RPS6KA5: variants seen among roughly 807,000 people sequenced by gnomAD.
RPS6KA5 encodes the protein ribosomal protein S6 kinase alpha-5.
In RPS6KA5, 27 loss-of-function variants were observed where a neutral mutation model predicts 85.5. That is an observed-to-expected ratio of 0.32 (90% CI 0.23 to 0.44). RPS6KA5 has a LOEUF of 0.44. Among genes scored for constraint, RPS6KA5 ranks in the 20% least tolerant of loss-of-function variants. The pLI is 1.00. For synonymous variants in RPS6KA5, 334 were observed against 348.2 expected (o/e 0.96, Z 0.46); for missense variants, 811 against 980.9 (o/e 0.83, Z 2.31).
intron 14 of RPS6KA5, among the ~76,000 whole-genome samples, chr14:90,884,571 C>T (rs2034066214): frequency 6.6e-6 from 1 of 152,184 alleles, no homozygotes; most frequent in Non-Finnish European, 1.5e-5. Context: ...CCAAGCCTTT[C>T]CCTGGAAGTT....
Position 91,060,526 on chromosome 14 carries a change from A to G in RPS6KA5, c.-92T>C, listed in dbSNP as rs1018420333. 8.1e-7 allele frequency: 1 copy of G among 1,232,614 alleles called. No homozygotes were observed. The highest frequency in any genetic ancestry group is 4.3e-5 in the Admixed American group (1 of 23,252). 76.4% of individuals were successfully genotyped at this position (1,232,614 alleles called of 1,614,324 possible). On this transcript the variant is annotated 5_prime_UTR_variant, in exon 1 of 17. Transcript: ENST00000614987. ...CCCTCGCAGCCGCTGCCGCGGCCCC[A>G]GGAGTCGGGGTGCGGCGGCTCCAGA...
At chr14:91,012,261 G>A (rs1281596547) in intron 1 of RPS6KA5, among the ~76,000 whole-genome samples, 2 of 152,036 alleles carry the variant, frequency 1.3e-5, no homozygotes, top group African/African-American at 4.8e-5. Flanking sequence ...AACACTTTTG[G>A]TATTAATGAA....
At chr14:90,952,391 G>T (rs2038245638) in intron 3 of RPS6KA5, among the ~76,000 whole-genome samples, 1 of 152,186 alleles carries the variant, frequency 6.6e-6, no homozygotes, top group Non-Finnish European at 1.5e-5. Context: ...TTCCCCCTCA[G>T]TACATTTAAT....
At position 91,010,485 on chromosome 14, in the gene RPS6KA5, A is replaced by G. The variant is rs76125078; in HGVS notation, c.104-9326T>C. Among the ~76,000 whole-genome samples the G allele has an allele frequency of 4.2e-3, 647 of 152,320 alleles. 4 individuals are homozygous for G. The highest frequency in any genetic ancestry group is 0.014 in the African/African-American group (597 of 41,568). ...ATTGTTCAATAACATTGCAAGTCAC[A>G]TCTAACCTTTTAAGGATGGTTTGAA... On this transcript the variant is annotated intron_variant, in intron 1 of 16. Transcript: ENST00000614987.
chr14:90,889,464 G>C (rs1487111053), intron 14 of RPS6KA5, among the ~76,000 whole-genome samples: 1 of 152,064 alleles, frequency 6.6e-6, no homozygotes, highest in Non-Finnish European at 1.5e-5. Context: ...CCATATAGTT[G>C]ATGAGAACAT....
intron 12 of RPS6KA5, among the ~76,000 whole-genome samples, chr14:90,899,056 C>A (rs902002357): frequency 1.3e-5 from 2 of 152,030 alleles, no homozygotes; most frequent in African/African-American, 4.8e-5. Context: ...GTGACTGCAC[C>A]ACTGAGCTCC....
rs1168835562 is a variant in RPS6KA5, at chr14:90,851,530, G to A, written c.*20544C>T. Reference sequence around the variant, plus strand: ...TACAGATGAAGAAATGGAGGCAAAGGGAGGCTGAGTGATTTGCTCAGGGTC... The same window carrying A: ...TACAGATGAAGAAATGGAGGCAAAGAGAGGCTGAGTGATTTGCTCAGGGTC... On this transcript the variant is annotated 3_prime_UTR_variant, in exon 17 of 17. Transcript: ENST00000614987. The A allele has an allele frequency of 6.6e-6, 1 of 152,094 alleles. No homozygotes were observed. Among genetic ancestry groups the A allele is most frequent in the African/African-American group, 2.4e-5 (1 of 41,406 alleles). 9.4% of individuals were successfully genotyped at this position (152,094 alleles called of 1,614,324 possible).
At chr14:91,014,811 T>C (rs1242233193) in intron 1 of RPS6KA5, among the ~76,000 whole-genome samples, 1 of 152,198 alleles carries the variant, frequency 6.6e-6, no homozygotes, top group Non-Finnish European at 1.5e-5. Context: ...ACATATTTGC[T>C]TTAATAATGT....
chr14:90,895,602 AG>A (rs1392819019), intron 12 of RPS6KA5, among the ~76,000 whole-genome samples: 1 of 152,170 alleles, frequency 6.6e-6, no homozygotes, highest in Non-Finnish European at 1.5e-5. Flanking sequence ...AAAATAATAC[AG>A]GAATTATCAA....
intron 5 of RPS6KA5, among the ~76,000 whole-genome samples, chr14:90,924,238 A>C (rs182879277): frequency 6.6e-6 from 1 of 152,228 alleles, no homozygotes; most frequent in East Asian, 1.9e-4. Flanking sequence ...CCCAGTTCTA[A>C]ACCTATATTT....
chr14:91,004,350 C>T (rs1007438332), intron 1 of RPS6KA5, among the ~76,000 whole-genome samples: 7 of 151,882 alleles, frequency 4.6e-5, no homozygotes, highest in African/African-American at 1.2e-4. Context: ...GGATTACAGG[C>T]GTGAGCCACC....
intron 12 of RPS6KA5, among the ~76,000 whole-genome samples, chr14:90,896,968 C>T (rs998761192): frequency 1.3e-5 from 2 of 152,116 alleles, no homozygotes; most frequent in South Asian, 4.1e-4. Flanking sequence ...AGTGATCCAC[C>T]TGCCTCACCT....
In RPS6KA5 at chr14:90,850,515, A is replaced by T. The variant is rs1286023475; in HGVS notation, c.*21559T>A. The T allele has an allele frequency of 1.3e-5, 2 of 152,064 alleles. No homozygotes were observed. Among genetic ancestry groups the T allele is most frequent in the Non-Finnish European group, 2.9e-5 (2 of 68,012 alleles). The allele number at this position is 152,064 out of a possible 1,614,324, so 9.4% of individuals were successfully genotyped here. A position where few individuals can be genotyped will look rare whatever the true frequency, so the allele number is the denominator to read the frequency against. The stretch of plus-strand genomic sequence containing the variant: ...ATTACATAACCAGGCCTTTTAAATA[A>T]GGATGGAATTCAATAAAAAACTTAA... On this transcript the variant is annotated 3_prime_UTR_variant, in exon 17 of 17. Coordinates refer to ENST00000614987, the MANE Select transcript of RPS6KA5 (RefSeq NM_004755.4).
rs910896717 is a variant in RPS6KA5, at chr14:91,004,829, A to G, written c.104-3670T>C. On this transcript the variant is annotated intron_variant, in intron 1 of 16. Transcript: ENST00000614987. ...AAAAATACAAAAAAATTAGCCGGGC[A>G]TGGTGGCGGGCGCCTGTAGTCCCAG... Among the ~76,000 whole-genome samples the G allele has an allele frequency of 1.3e-4, 20 of 152,058 alleles. No individual in the cohort carries two copies. In the East Asian group the frequency reaches 3.7e-3, roughly 28 times the overall value.
Position 90,978,522 on chromosome 14 carries a change from A to G in RPS6KA5, c.178T>C (p.Tyr60His). 1.3e-6 allele frequency: 2 copies of G among 1,575,534 alleles called. No homozygotes were observed. Residue 60 changes from tyrosine to histidine, a missense_variant and splice_region_variant, in exon 3 of 17, where the codon TAT becomes CAT. This residue lies in a region of RPS6KA5 where 113 missense variants were observed against 100.0 expected (regional missense o/e 1.13). Coordinates refer to ENST00000614987, the MANE Select transcript of RPS6KA5 (RefSeq NM_004755.4). ...TTACGAACTAGAAATACTTTTCCAT[A>G]AGCTGAAAATGAAAAGAAAAAATAA... ...ELLKVLGTGA[Y>H]GKVFLVRKIS...
rs573965579 is a variant in RPS6KA5, at chr14:90,905,731, G to A, written c.957+418C>T. Reference sequence around the variant, plus strand: ...TACTTCTGGGAAAAGAGGAAGTGAAGAAATCACTATCTAAAAGGTGAAACA... The same window carrying A: ...TACTTCTGGGAAAAGAGGAAGTGAAAAAATCACTATCTAAAAGGTGAAACA... On this transcript the variant is annotated intron_variant, in intron 8 of 16. Transcript: ENST00000614987. Among the ~76,000 whole-genome samples, 306 of 152,158 alleles carry A rather than the reference G, an allele frequency of 2.0e-3. 2 individuals carry two copies. Among genetic ancestry groups the A allele is most frequent in the African/African-American group, 7.1e-3 (296 of 41,522 alleles).
At chr14:91,037,169 A>G (rs1452420375) in intron 1 of RPS6KA5, among the ~76,000 whole-genome samples, 1 of 152,216 alleles carries the variant, frequency 6.6e-6, no homozygotes, top group Admixed American at 6.5e-5. Context: ...TGCCTGCTGA[A>G]TAATTCTAAA....
At chr14:91,010,180 A>G (rs1337942453) in intron 1 of RPS6KA5, among the ~76,000 whole-genome samples, 2 of 152,176 alleles carry the variant, frequency 1.3e-5, no homozygotes, top group African/African-American at 4.8e-5. Context: ...AATTTTTTAA[A>G]GTTTAAAAGG....
At chr14:90,874,622 T>C (rs2033330772) in intron 15 of RPS6KA5, among the ~76,000 whole-genome samples, 1 of 152,116 alleles carries the variant, frequency 6.6e-6, no homozygotes, top group African/African-American at 2.4e-5. Flanking sequence ...ACATAGGGAT[T>C]CTAGAAAAGT....
Sources: allele counts gnomAD v4.1 joint callset (sites outside exome capture counted in the v4.1 genomes callset), GRCh38; gene constraint gnomAD v4.1.1; regional missense constraint gnomAD v4.1.1; transcripts MANE v1.5; gene names NCBI Gene and HGNC (gene_info 2026-07-23, HGNC 2026-07-21).